The following NME7 variants were observed in gnomAD, a reference collection of about 807,000 sequenced individuals.
NME7 encodes the protein NME/NM23 family member 7.
A neutral mutation model predicts 49.1 loss-of-function variants in NME7; 41 were observed. The observed-to-expected ratio is 0.83, with a 90% CI of 0.65 to 1.08. The LOEUF (loss-of-function observed/expected upper bound fraction) is 1.08, where lower values mean the gene tolerates loss of function less well. Among genes scored for constraint, NME7 ranks in the 50% least tolerant of loss-of-function variants. The probability of loss-of-function intolerance (pLI) is 0.00; values close to 1 mark genes in which losing one functional copy is unlikely to be tolerated. For synonymous variants in NME7, 139 were observed against 150.6 expected, an observed-to-expected ratio of 0.92 and a Z score of 0.56; for missense variants, 423 against 463.4, an observed-to-expected ratio of 0.91 and a Z score of 0.80.
intron 11 of NME7, 110 bp from the exon 12 acceptor site, chr1:169,132,927 A>G (rs780256685): frequency 7.2e-5 from 48 of 662,932 alleles, no homozygotes; most frequent in Non-Finnish European, 6.3e-5. Flanking sequence ...ACCCCTTCCC[A>G]AAGACACTAA....
At chr1:169,265,043 G>A (rs1380694411) in intron 7 of NME7, among the ~76,000 whole-genome samples, 1 of 132,750 alleles carries the variant, frequency 7.5e-6, no homozygotes, top group South Asian at 2.3e-4. Flanking sequence ...ATCAGATCTC[G>A]TGAGAACTCA....
chr1:169,342,926 T>TAC (rs796971650), intron 1 of NME7, among the ~76,000 whole-genome samples: 1 of 106,106 alleles, frequency 9.4e-6, no homozygotes, highest in South Asian at 3.1e-4. Flanking sequence ...TATATATATA[T>TAC]ACAAGTACAT....
intron 1 of NME7, among the ~76,000 whole-genome samples, chr1:169,332,794 G>A (rs1375530989): frequency 6.6e-6 from 1 of 152,124 alleles, no homozygotes; most frequent in Non-Finnish European, 1.5e-5. Context: ...CAGTTAAAAT[G>A]GCTCTTATCC....
rs778169598 is a variant in NME7 at position 169,298,563 on chromosome 1, G to T, written c.641C>A (p.Ala214Glu). 3.7e-6 allele frequency: 6 copies of T among 1,613,364 alleles called. No individual in the cohort carries two copies. The highest frequency in any genetic ancestry group is 1.6e-4 in the Middle Eastern group (1 of 6,064). The change falls in exon 6 of 12, where the codon GCG (alanine) becomes GAG (glutamate). Residue 214 changes from alanine (A) to glutamate (E), a missense_variant. Physicochemically the swap from Ala to Glu is moderately radical, Grantham distance 107. Coordinates refer to ENST00000367811, the MANE Select transcript of NME7 (RefSeq NM_013330.5). The part of the protein sequence containing the change: ...AAHGPDSFAS[A>E]AREMELFFPS... ...ATTTTTAAAACACCTTACTCTGGCCGCAGAAGCAAAAGAATCAGGGCCATG... is the reference window on the plus strand; with the variant it reads ...ATTTTTAAAACACCTTACTCTGGCCTCAGAAGCAAAAGAATCAGGGCCATG...
At chr1:169,329,060 C>T (rs1172941054) in intron 1 of NME7, among the ~76,000 whole-genome samples, 1 of 152,038 alleles carries the variant, frequency 6.6e-6, no homozygotes, top group East Asian at 1.9e-4. Context: ...CACAAGGGAC[C>T]AATCCTGAAG....
At chr1:169,208,775 A>C (rs1432141347) in intron 10 of NME7, among the ~76,000 whole-genome samples, 5 of 152,150 alleles carry the variant, frequency 3.3e-5, no homozygotes, top group African/African-American at 4.8e-5. Flanking sequence ...CTTAAAGGCC[A>C]AAACTGGAAA....
At chr1:169,133,160 T>C (rs10919073) in intron 11 of NME7, among the ~76,000 whole-genome samples, 17,116 of 152,258 alleles carry the variant, frequency 0.11, 2,193 homozygotes, top group East Asian at 0.73. Context: ...AAATTAAGGT[T>C]CATACCTTGC....
chr1:169,335,075 TGTG>T (rs1328983323), intron 1 of NME7, among the ~76,000 whole-genome samples: 15 of 152,262 alleles, frequency 9.9e-5, no homozygotes, highest in African/African-American at 3.6e-4. Context: ...CTGGCGAGGC[TGTG>T]GAGAAATAGG....
chr1:169,178,820 C>CA (rs1659841412), intron 10 of NME7, among the ~76,000 whole-genome samples: 1 of 124,336 alleles, frequency 8.0e-6, no homozygotes, highest in South Asian at 2.5e-4. Flanking sequence ...GAAACCTCTT[C>CA]TTTTTTTTTT....
chr1:169,147,603 T>C (rs982421684), intron 11 of NME7, among the ~76,000 whole-genome samples: 6 of 147,182 alleles, frequency 4.1e-5, no homozygotes, highest in Non-Finnish European at 7.5e-5. Context: ...TCCTACCATA[T>C]ACATAAAAAT....
intron 1 of NME7, among the ~76,000 whole-genome samples, chr1:169,358,097 A>G (rs1371590597): frequency 1.3e-5 from 2 of 151,938 alleles, no homozygotes; most frequent in Non-Finnish European, 2.9e-5. Context: ...ATAAAAGTAA[A>G]TTTTTCAATA....
intron 11 of NME7, among the ~76,000 whole-genome samples, chr1:169,162,472 G>GTA (rs1659278596): frequency 6.6e-6 from 1 of 151,820 alleles, no homozygotes; most frequent in South Asian, 2.1e-4. Context: ...TCTCCTGAAA[G>GTA]GTAAGCTCTG....
chr1:169,187,223 T>G (rs1458960906), intron 10 of NME7, among the ~76,000 whole-genome samples: 1 of 152,120 alleles, frequency 6.6e-6, no homozygotes. Context: ...CTGAGAAGAA[T>G]GATTTCGGGT....
At chr1:169,353,300 G>A (rs1653247868) in intron 1 of NME7, among the ~76,000 whole-genome samples, 1 of 151,952 alleles carries the variant, frequency 6.6e-6, no homozygotes, top group African/African-American at 2.4e-5. Context: ...GGAGAAGACA[G>A]CCTCTTCAAT....
chr1:169,153,868 T>C (rs1658983348), intron 11 of NME7, among the ~76,000 whole-genome samples: 2 of 138,008 alleles, frequency 1.4e-5, no homozygotes, highest in South Asian at 4.9e-4. Context: ...TCGGCTAATT[T>C]TTTTTTTTTT....
At chr1:169,214,466 T>A (rs1660919479) in intron 10 of NME7, among the ~76,000 whole-genome samples, 2 of 152,218 alleles carry the variant, frequency 1.3e-5, no homozygotes, top group Non-Finnish European at 2.9e-5. Flanking sequence ...CAAAAAATGA[T>A]AATAGGTCCA....
intron 1 of NME7, among the ~76,000 whole-genome samples, chr1:169,350,324 A>G (rs1653118705): frequency 6.7e-6 from 1 of 148,884 alleles, no homozygotes; most frequent in South Asian, 2.1e-4. Context: ...TCTCCTTAGT[A>G]CATTACTGAG....
intron 10 of NME7, among the ~76,000 whole-genome samples, chr1:169,214,896 C>T (rs900534441): frequency 6.6e-6 from 1 of 152,234 alleles, no homozygotes; most frequent in African/African-American, 2.4e-5. Flanking sequence ...CACCTGTGGA[C>T]AGCAGTGTGT....
At chr1:169,162,895 T>C (rs1022165870) in intron 11 of NME7, among the ~76,000 whole-genome samples, 5 of 152,156 alleles carry the variant, frequency 3.3e-5, no homozygotes, top group Admixed American at 1.3e-4. Flanking sequence ...CATTTTGGTA[T>C]ACAGAATTAA....
Sources: gnomAD v4.1 joint callset for allele counts (sites outside exome capture counted in the v4.1 genomes callset) on GRCh38, gnomAD v4.1.1 for gene constraint, MANE v1.5 for transcripts, NCBI Gene and HGNC (gene_info 2026-07-23, HGNC 2026-07-21) for gene names.